The following TAFA1 variants were observed in gnomAD, a reference collection of about 807,000 sequenced individuals.
The protein encoded by TAFA1 is TAFA chemokine like family member 1, also known as chemokine-like protein TAFA-1.
TAFA1 carries 4 observed loss-of-function variants against 18.5 expected under a neutral mutation model. The observed-to-expected ratio is 0.22, with a 90% CI of 0.11 to 0.49. The LOEUF is 0.49. Ranked by LOEUF, TAFA1 falls within the 20% of genes least tolerant of loss-of-function variation. The probability of loss-of-function intolerance (pLI) is 0.98; values close to 1 mark genes in which losing one functional copy is unlikely to be tolerated. For missense variants in TAFA1, 147 were observed against 169.0 expected, an observed-to-expected ratio of 0.87 and a Z score of 0.72; for synonymous variants, 56 against 55.2, an observed-to-expected ratio of 1.01 and a Z score of -0.06.
At chr3:68,070,847 C>T (rs1436690205) in intron 2 of TAFA1, among the ~76,000 whole-genome samples, 1 of 152,216 alleles carries the variant, frequency 6.6e-6, no homozygotes, top group African/African-American at 2.4e-5. Context: ...GTATCACCTT[C>T]TCCAGTTCCC....
chr3:68,030,645 T>G (rs1215952395), intron 2 of TAFA1, among the ~76,000 whole-genome samples: 1 of 152,240 alleles, frequency 6.6e-6, no homozygotes, highest in Non-Finnish European at 1.5e-5. Context: ...GTACCACATT[T>G]TCTTTACCCA....
chr3:68,123,017 A>T (rs2065420251), intron 2 of TAFA1, among the ~76,000 whole-genome samples: 1 of 151,582 alleles, frequency 6.6e-6, no homozygotes, highest in Non-Finnish European at 1.5e-5. Context: ...TTTTTTCCAA[A>T]AATCTGTCTG....
intron 2 of TAFA1, among the ~76,000 whole-genome samples, chr3:68,019,677 AC>A (rs1260631949): frequency 6.6e-6 from 1 of 152,146 alleles, no homozygotes; most frequent in Non-Finnish European, 1.5e-5. Flanking sequence ...AACTTGCTAG[AC>A]CCATAGCCTA....
At chr3:68,087,741 AC>A (rs1370783166) in intron 2 of TAFA1, among the ~76,000 whole-genome samples, 1 of 152,074 alleles carries the variant, frequency 6.6e-6, no homozygotes, top group Non-Finnish European at 1.5e-5. Context: ...GAAGCAACAT[AC>A]TTTGAATGTT....
At chr3:68,155,789 T>C (rs2396323) in intron 2 of TAFA1, among the ~76,000 whole-genome samples, 113,777 of 152,016 alleles carry the variant, frequency 0.75, 42,693 homozygotes, top group East Asian at 0.81. Context: ...TAATTTCTCT[T>C]CATTTCTTGT....
the TAFA1 span, among the ~76,000 whole-genome samples, chr3:67,995,434 T>C: frequency 1.0e-3 from 152 of 152,290 alleles, no homozygotes; most frequent in Middle Eastern, 0.017. Context: ...ACTGCCAAGA[T>C]TGAGGATTTC....
At chr3:68,118,113 C>A (rs1470244173) in intron 2 of TAFA1, among the ~76,000 whole-genome samples, 1 of 152,006 alleles carries the variant, frequency 6.6e-6, no homozygotes, top group Non-Finnish European at 1.5e-5. Flanking sequence ...ATTATTATTA[C>A]AATGTAATAT....
chr3:68,332,012 C>T (rs141410393), intron 2 of TAFA1, among the ~76,000 whole-genome samples: 2,663 of 151,394 alleles, frequency 0.018, 45 homozygotes, highest in Middle Eastern at 0.038. Flanking sequence ...TACAGGTGCC[C>T]GCCACCGCAC....
At chr3:68,454,208 A>G (rs1188852963) in intron 3 of TAFA1, among the ~76,000 whole-genome samples, 1 of 152,224 alleles carries the variant, frequency 6.6e-6, no homozygotes, top group Non-Finnish European at 1.5e-5. Context: ...TAAGAAATAC[A>G]GGATCATCAT....
At chr3:68,520,198 T>A (rs1322430373) in intron 3 of TAFA1, among the ~76,000 whole-genome samples, 2 of 152,068 alleles carry the variant, frequency 1.3e-5, no homozygotes, top group Admixed American at 6.5e-5. Context: ...TGAGAAAAAA[T>A]TTTTTTCTTT....
chr3:68,180,425 C>A (rs569263370), intron 2 of TAFA1, among the ~76,000 whole-genome samples: 15 of 152,154 alleles, frequency 9.9e-5, no homozygotes, highest in Admixed American at 7.2e-4. Context: ...TAGCTAGTAA[C>A]AAGAGGTAAA....
chr3:67,999,353 T>C (rs908232752), upstream of TAFA1, among the ~76,000 whole-genome samples: 3 of 149,294 alleles, frequency 2.0e-5, no homozygotes, highest in Admixed American at 6.7e-5. Context: ...AAGAGTAACA[T>C]TAGATTGGGA....
chr3:68,035,012 A>G (rs1031979435), intron 2 of TAFA1, among the ~76,000 whole-genome samples: 3 of 152,098 alleles, frequency 2.0e-5, no homozygotes, highest in African/African-American at 7.2e-5. Flanking sequence ...CCTGCCCAAT[A>G]TTTACAGATA....
At chr3:68,297,386 A>G (rs981656579) in intron 2 of TAFA1, among the ~76,000 whole-genome samples, 8 of 152,142 alleles carry the variant, frequency 5.3e-5, no homozygotes, top group African/African-American at 1.9e-4. Context: ...AGCCACTCTC[A>G]ATTCTGGGTC....
At chr3:68,474,058 C>CA (rs2072047884) in intron 3 of TAFA1, among the ~76,000 whole-genome samples, 1 of 149,002 alleles carries the variant, frequency 6.7e-6, no homozygotes, top group Admixed American at 6.7e-5. Context: ...CACCCCCCCC[C>CA]CCAAGTAAAT....
At chr3:68,061,786 A>G (rs1206081318) in intron 2 of TAFA1, among the ~76,000 whole-genome samples, 1 of 152,174 alleles carries the variant, frequency 6.6e-6, no homozygotes, top group African/African-American at 2.4e-5. Context: ...AAATGTCTCT[A>G]TTTTTGAGGA....
chr3:68,003,750 A>G (rs6808653), upstream of TAFA1, among the ~76,000 whole-genome samples: 130,305 of 152,180 alleles, frequency 0.86, 55,939 homozygotes, highest in African/African-American at 0.92. Flanking sequence ...TCTTCATTTG[A>G]TGCTGAAAAT....
intron 3 of TAFA1, among the ~76,000 whole-genome samples, chr3:68,534,068 C>A (rs768017827): frequency 3.9e-5 from 6 of 152,060 alleles, no homozygotes; most frequent in Non-Finnish European, 8.8e-5. Flanking sequence ...GTTCAGAGGG[C>A]TTATAAACAG....
chr3:68,512,800 G>A (rs2072869191), intron 3 of TAFA1, among the ~76,000 whole-genome samples: 1 of 151,814 alleles, frequency 6.6e-6, no homozygotes, highest in Admixed American at 6.6e-5. Flanking sequence ...TGTTTCTTCT[G>A]GTGTCAGAAC....
Sources: allele counts gnomAD v4.1 joint callset (sites outside exome capture counted in the v4.1 genomes callset), GRCh38; gene constraint gnomAD v4.1.1; transcripts MANE v1.5; gene names NCBI Gene and HGNC (gene_info 2026-07-23, HGNC 2026-07-21).